Variants in SAMD5 observed in about 807,000 individuals in gnomAD.
SAMD5 encodes sterile alpha motif domain-containing protein 5.
A neutral mutation model predicts 11.3 loss-of-function variants in SAMD5; 13 were observed. That is an observed-to-expected ratio of 1.15 (90% CI 0.75 to 1.83). The LOEUF is 1.83. Among genes scored for constraint, SAMD5 ranks in the 40% most tolerant of loss-of-function variants. The pLI, the probability that SAMD5 is intolerant of heterozygous loss-of-function variation, is 0.00. For synonymous variants in SAMD5, 129 were observed against 111.3 expected (o/e 1.16, Z -1.00); for missense variants, 255 against 239.1 (o/e 1.07, Z -0.44).
chr6:147,799,582 G>A, the SAMD5 span, among the ~76,000 whole-genome samples: 6 of 151,670 alleles, frequency 4.0e-5, no homozygotes, highest in East Asian at 9.7e-4. Context: ...TCTTTGTGGC[G>A]TTCTCTGTAT....
chr6:147,603,758 A>G (rs185269417), intron 1 of SAMD5, among the ~76,000 whole-genome samples: 1 of 152,230 alleles, frequency 6.6e-6, no homozygotes, highest in Non-Finnish European at 1.5e-5. Context: ...ATTTATGAAC[A>G]GAGTACACTC....
the SAMD5 span, among the ~76,000 whole-genome samples, chr6:147,846,105 A>G: frequency 6.6e-6 from 1 of 151,992 alleles, no homozygotes. Flanking sequence ...AATTATGCTG[A>G]GTGAAAAAAA....
At chr6:147,642,837 C>T (rs1790333011) in intron 1 of SAMD5, among the ~76,000 whole-genome samples, 1 of 152,112 alleles carries the variant, frequency 6.6e-6, no homozygotes, top group Admixed American at 6.5e-5. Context: ...TATGGGAGCC[C>T]TTCTCTCCTG....
At chr6:147,685,988 C>A (rs899716915) in intron 1 of SAMD5, among the ~76,000 whole-genome samples, 3 of 152,166 alleles carry the variant, frequency 2.0e-5, no homozygotes, top group Non-Finnish European at 4.4e-5. Context: ...AGTTAATACA[C>A]CGTGGCAACT....
intron 1 of SAMD5, among the ~76,000 whole-genome samples, chr6:147,595,572 G>C (rs1430410472): frequency 7.1e-6 from 1 of 140,712 alleles, no homozygotes; most frequent in Admixed American, 7.4e-5. Flanking sequence ...TGTCACCCAG[G>C]CTGGAGTGCA....
chr6:147,755,328 TG>T, the SAMD5 span, among the ~76,000 whole-genome samples: 2 of 152,116 alleles, frequency 1.3e-5, no homozygotes, highest in Non-Finnish European at 2.9e-5. Flanking sequence ...CTATAGTAAA[TG>T]GTATTACTTT....
intron 1 of SAMD5, among the ~76,000 whole-genome samples, chr6:147,723,950 C>G (rs958699795): frequency 6.6e-6 from 1 of 152,112 alleles, no homozygotes; most frequent in Non-Finnish European, 1.5e-5. Flanking sequence ...TAAGTATAAT[C>G]ACTAACTGCC....
intron 1 of SAMD5, among the ~76,000 whole-genome samples, chr6:147,575,773 C>T (rs1364944308): frequency 6.6e-6 from 1 of 152,164 alleles, no homozygotes; most frequent in Non-Finnish European, 1.5e-5. Flanking sequence ...ACATGATTTA[C>T]CCTGTGGATA....
chr6:147,656,180 T>A (rs1790563734), intron 1 of SAMD5, among the ~76,000 whole-genome samples: 1 of 152,176 alleles, frequency 6.6e-6, no homozygotes. Context: ...CACACAAAAA[T>A]AAACTCCAAG....
At chr6:147,620,171 C>T (rs188699759) in intron 1 of SAMD5, among the ~76,000 whole-genome samples, 15 of 152,272 alleles carry the variant, frequency 9.9e-5, no homozygotes, top group South Asian at 6.2e-4. Flanking sequence ...TTCCTTTCCT[C>T]GAGCTTCTCT....
chr6:147,780,632 T>G, the SAMD5 span, among the ~76,000 whole-genome samples: 2 of 152,240 alleles, frequency 1.3e-5, no homozygotes, highest in East Asian at 3.8e-4. Context: ...GAGGAATTAT[T>G]GATTTCTATA....
chr6:147,940,173 A>G, the SAMD5 span, among the ~76,000 whole-genome samples: 1 of 150,838 alleles, frequency 6.6e-6, no homozygotes, highest in African/African-American at 2.4e-5. Context: ...GTGTCAAGAG[A>G]TGACTCTCCC....
chr6:147,596,540 T>A (rs1789533750), intron 1 of SAMD5, among the ~76,000 whole-genome samples: 2 of 152,198 alleles, frequency 1.3e-5, no homozygotes, highest in South Asian at 4.1e-4. Flanking sequence ...AAAATGGGAT[T>A]ATCATTTGCT....
intron 1 of SAMD5, among the ~76,000 whole-genome samples, chr6:147,702,817 A>ATGTGTG (rs147257150): frequency 0.017 from 2,485 of 150,018 alleles, 39 homozygotes; most frequent in Admixed American, 0.052. Context: ...CTATTTGTAT[A>ATGTGTG]TGTGTGTGTG....
chr6:147,772,880 A>C, the SAMD5 span, among the ~76,000 whole-genome samples: 1 of 152,202 alleles, frequency 6.6e-6, no homozygotes, highest in South Asian at 2.1e-4. Context: ...GGCCCATAAC[A>C]GTGTCGAAGT....
chr6:147,597,178 T>G (rs1260059309), intron 1 of SAMD5, among the ~76,000 whole-genome samples: 1 of 152,220 alleles, frequency 6.6e-6, no homozygotes, highest in Non-Finnish European at 1.5e-5. Flanking sequence ...GTAAGGTTGA[T>G]GATTTTTAGG....
At chr6:147,612,843 A>T (rs1280482238) in intron 1 of SAMD5, among the ~76,000 whole-genome samples, 1 of 152,064 alleles carries the variant, frequency 6.6e-6, no homozygotes, top group Non-Finnish European at 1.5e-5. Flanking sequence ...CAGTGACATG[A>T]CTCAGTCTTC....
chr6:147,567,052 T>C lies in SAMD5; in HGVS notation c.*2596T>C. The C allele has an allele frequency of 2.1e-6, 2 of 952,498 alleles. No individual in the cohort carries two copies. Among genetic ancestry groups the C allele is most frequent in the Non-Finnish European group, 2.5e-6 (2 of 800,056 alleles). 59.0% of individuals were successfully genotyped at this position (952,498 alleles called of 1,614,324 possible). Reference sequence around the variant, plus strand: ...ACATTTCCTAGAGTATTAAAAGAGATTAATTACAGACTTTCACTTGATAAT... The same window carrying C: ...ACATTTCCTAGAGTATTAAAAGAGACTAATTACAGACTTTCACTTGATAAT... On this transcript the variant is annotated 3_prime_UTR_variant, in exon 2 of 2. Transcript: ENST00000367474.
the SAMD5 span, among the ~76,000 whole-genome samples, chr6:147,904,928 C>G: frequency 2.7e-5 from 4 of 148,774 alleles, no homozygotes; most frequent in Non-Finnish European, 5.9e-5. Flanking sequence ...TGCTCTTGTT[C>G]CCCAGGCTGG....
Sources: gnomAD v4.1 joint callset for allele counts (sites outside exome capture counted in the v4.1 genomes callset) on GRCh38, gnomAD v4.1.1 for gene constraint, MANE v1.5 for transcripts, NCBI Gene and HGNC (gene_info 2026-07-23, HGNC 2026-07-21) for gene names.